Variants in THAP6 observed in about 807,000 individuals in gnomAD.
THAP6 encodes THAP domain-containing protein 6.
A neutral mutation model predicts 20.0 loss-of-function variants in THAP6; 13 were observed. The ratio of observed to expected loss-of-function variants is 0.65; its 90% CI spans 0.42 to 1.03. The LOEUF is 1.03. Among genes scored for constraint, THAP6 ranks in the 50% least tolerant of loss-of-function variants. The pLI is 0.00. For synonymous variants in THAP6, 93 were observed against 92.2 expected, an observed-to-expected ratio of 1.01 and a Z score of -0.05; for missense variants, 262 against 261.6, an observed-to-expected ratio of 1.00 and a Z score of -0.01.
At chr4:75,518,096 A>G (rs924256787) in intron 3 of THAP6, among the ~76,000 whole-genome samples, 3 of 152,226 alleles carry the variant, frequency 2.0e-5, no homozygotes, top group Non-Finnish European at 4.4e-5. Flanking sequence ...GCTAATAAAT[A>G]TACAGTATCT....
At chr4:75,538,525 A>G (rs969722337) in intron 2 of THAP6, among the ~76,000 whole-genome samples, 3 of 152,184 alleles carry the variant, frequency 2.0e-5, no homozygotes, top group African/African-American at 7.2e-5. Context: ...TAGGAAGATG[A>G]GAGGTATAAT....
chr4:75,516,733 G>A (rs1725673303), intron 2 of THAP6, 39 bp from the exon 3 acceptor site: 1 of 1,555,864 alleles, frequency 6.4e-7, no homozygotes, highest in Non-Finnish European at 8.8e-7. Context: ...TATAGCAATA[G>A]TATTTGATTT....
chr4:75,517,195 T>C, intron 3 of THAP6: 1 of 448,328 alleles, frequency 2.2e-6, no homozygotes, highest in Admixed American at 3.7e-5. Flanking sequence ...TTTTTGTATT[T>C]TTAGGAGAGA....
Position 75,528,726 on chromosome 4 carries a change from A to T in THAP6, c.*1512A>T, listed in dbSNP as rs995507731. On this transcript the variant is annotated 3_prime_UTR_variant, in exon 5 of 5. Coordinates refer to ENST00000311638, the MANE Select transcript of THAP6 (RefSeq NM_144721.6). ...AATCACTGAGGCCATATCTTTTTAC[A>T]ATCTGAAAAAAAAGTAGTAAAAAGG... 2.9e-5 allele frequency: 28 copies of T among 981,684 alleles called. No homozygotes were observed. The African/African-American group carries it at 4.7e-4, about 16-fold the overall frequency. The allele number at this position is 981,684 out of a possible 1,614,324, so 60.8% of individuals were successfully genotyped here. A position where few individuals can be genotyped will look rare whatever the true frequency, so the allele number is the denominator to read the frequency against.
chr4:75,520,227 T>C (rs1467565711), intron 3 of THAP6, among the ~76,000 whole-genome samples: 1 of 152,222 alleles, frequency 6.6e-6, no homozygotes, highest in African/African-American at 2.4e-5. Flanking sequence ...TTCTGGATAT[T>C]AGCCCTTTGT....
intron 4 of THAP6, among the ~76,000 whole-genome samples, chr4:75,523,539 C>T (rs574841973): frequency 6.6e-6 from 1 of 152,212 alleles, no homozygotes; most frequent in South Asian, 2.1e-4. Context: ...TGTGATGGCT[C>T]ATGCCTGTAA....
At chr4:75,536,856 C>G (rs1189590487) in intron 2 of THAP6, among the ~76,000 whole-genome samples, 1 of 152,112 alleles carries the variant, frequency 6.6e-6, no homozygotes. Flanking sequence ...TACAAAGAAT[C>G]CAGTAGGTTA....
At chr4:75,543,959 C>T (rs1226136531) in intron 3 of THAP6, among the ~76,000 whole-genome samples, 1 of 152,206 alleles carries the variant, frequency 6.6e-6, no homozygotes, top group African/African-American at 2.4e-5. Flanking sequence ...GAAGCTGACT[C>T]TTCTTAGCAG....
In THAP6 at chr4:75,527,904, G is replaced by A. The variant is rs1461567043; in HGVS notation, c.*690G>A. 1.0e-6 allele frequency: 1 copy of A among 985,360 alleles called. No individual in the cohort carries two copies. The highest frequency in any genetic ancestry group is 1.1e-4 in the East Asian group (1 of 8,812). 61.0% of individuals were successfully genotyped at this position (985,360 alleles called of 1,614,324 possible). A position where few individuals can be genotyped will look rare whatever the true frequency, so the allele number is the denominator to read the frequency against. Reference sequence around the variant, plus strand: ...CAGAATAGCTTTAAAAAGACAAAAAGGATCGTAGATCTGATTTTTAAATGG... The same window carrying A: ...CAGAATAGCTTTAAAAAGACAAAAAAGATCGTAGATCTGATTTTTAAATGG... On this transcript the variant is annotated 3_prime_UTR_variant, in exon 5 of 5. Transcript: ENST00000311638.
chr4:75,537,148 G>A (rs971401744), intron 2 of THAP6, among the ~76,000 whole-genome samples: 2 of 152,114 alleles, frequency 1.3e-5, no homozygotes, highest in African/African-American at 4.8e-5. Context: ...GCTGAAAACA[G>A]TCCTGCAGGG....
Position 75,546,443 on chromosome 4 carries a change from T to C in THAP6, c.244-3162T>C, listed in dbSNP as rs117711142. Reference sequence around the variant, plus strand: ...ACTGTCCATGCCCCTTCATTGTCCATAAACACCCAAGCTCTTATTTAGAAG... The same window carrying C: ...ACTGTCCATGCCCCTTCATTGTCCACAAACACCCAAGCTCTTATTTAGAAG... On this transcript the variant is annotated intron_variant, in intron 3 of 4. Coordinates refer to the THAP6 transcript ENST00000502620. Among the ~76,000 whole-genome samples the C allele has an allele frequency of 4.1e-4, 62 of 152,354 alleles. No individual in the cohort carries two copies. In the East Asian group the frequency reaches 0.012, roughly 29 times the overall value.
At chr4:75,546,829 AG>A (rs1159000414) in intron 3 of THAP6, among the ~76,000 whole-genome samples, 1 of 152,148 alleles carries the variant, frequency 6.6e-6, no homozygotes, top group Non-Finnish European at 1.5e-5. Context: ...CACATTACAG[AG>A]GGCCATCCGT....
chr4:75,514,341 C>G, upstream of THAP6: 1 of 1,569,498 alleles, frequency 6.4e-7, no homozygotes, highest in Admixed American at 1.7e-5. Context: ...AAAAACCACG[C>G]CCAGAGAAGC....
chr4:75,514,403 T>G (rs1725344024), upstream of THAP6: 10 of 1,192,346 alleles, frequency 8.4e-6, no homozygotes, highest in South Asian at 1.1e-4. Flanking sequence ...AGCGACAATA[T>G]GGCTCCTAAG....
At chr4:75,534,491 C>T (rs944522138), downstream of THAP6, among the ~76,000 whole-genome samples, 7 of 152,148 alleles carry the variant, frequency 4.6e-5, no homozygotes, top group African/African-American at 7.2e-5. Flanking sequence ...CCATTCAGGA[C>T]GTAGGCATGG....
At chr4:75,514,223 G>A, upstream of THAP6, 1 of 1,613,126 alleles carries the variant, frequency 6.2e-7, no homozygotes, top group Non-Finnish European at 8.5e-7. Flanking sequence ...CTGTCATAGT[G>A]CTCGCAGCCC....
intron 4 of THAP6, 97 bp downstream of exon 4, chr4:75,521,958 G>T: frequency 7.0e-7 from 1 of 1,426,670 alleles, no homozygotes; most frequent in Non-Finnish European, 9.7e-7. Flanking sequence ...CAAAATCTAG[G>T]GGTTAATATG....
chr4:75,522,070 T>A, intron 4 of THAP6: 1 of 491,056 alleles, frequency 2.0e-6, no homozygotes, highest in Non-Finnish European at 3.5e-6. Context: ...TGTAGTTCAC[T>A]GAAGAAGGCT....
At chr4:75,533,307 C>T (rs1726744725), downstream of THAP6, among the ~76,000 whole-genome samples, 1 of 152,188 alleles carries the variant, frequency 6.6e-6, no homozygotes, top group Admixed American at 6.5e-5. Context: ...CAGTTCCCAA[C>T]AAGTTCCTCA....
Sources: gnomAD v4.1 joint callset for allele counts (sites outside exome capture counted in the v4.1 genomes callset) on GRCh38, gnomAD v4.1.1 for gene constraint, MANE v1.5 for transcripts, NCBI Gene and HGNC (gene_info 2026-07-23, HGNC 2026-07-21) for gene names.